Variants in COPB2 observed in about 807,000 individuals in gnomAD.
The protein encoded by COPB2 is coat protein complex I subunit beta 2, also known as coatomer subunit beta'.
A neutral mutation model predicts 120.8 loss-of-function variants in COPB2; 16 were observed. The ratio of observed to expected loss-of-function variants is 0.13; its 90% confidence interval spans 0.09 to 0.20. COPB2 has a LOEUF of 0.20. COPB2 is among the 10% of genes least tolerant of loss of function. The pLI is 1.00. For synonymous variants in COPB2, 332 were observed against 366.3 expected, an observed-to-expected ratio of 0.91 and a Z score of 1.07; for missense variants, 794 against 1,076.5, an observed-to-expected ratio of 0.74 and a Z score of 3.67.
intron 5 of COPB2, among the ~76,000 whole-genome samples, chr3:139,376,126 A>G (rs933202747): frequency 2.6e-5 from 4 of 152,346 alleles, no homozygotes; most frequent in African/African-American, 9.6e-5. Flanking sequence ...GCATGAAGGC[A>G]CACGCATGTA....
At chr3:139,361,903 TCAAA>T (rs1223047715) in intron 16 of COPB2, among the ~76,000 whole-genome samples, 3 of 152,198 alleles carry the variant, frequency 2.0e-5, no homozygotes, top group Non-Finnish European at 2.9e-5. Context: ...CTCATTTAGC[TCAAA>T]CATTTAGACC....
intron 10 of COPB2, among the ~76,000 whole-genome samples, chr3:139,370,738 G>A (rs929871817): frequency 2.6e-5 from 4 of 152,142 alleles, no homozygotes; most frequent in Admixed American, 6.5e-5. Flanking sequence ...AAGATGCTGA[G>A]CAAGGTCTTG....
At position 139,389,533 on chromosome 3, in the gene COPB2, G is replaced by T; in HGVS notation, c.3+15C>A. On this transcript the variant is annotated intron_variant, in intron 1 of 21. Transcript: ENST00000333188. The stretch of plus-strand genomic sequence containing the variant: ...CCTATGGGACCCCGCTCCCTTCTAC[G>T]GGATCTGGACCTACCATGGCTGCGT... 1 of 1,558,754 alleles carries T rather than the reference G, an allele frequency of 6.4e-7. No individual in the cohort carries two copies. Among genetic ancestry groups the T allele is most frequent in the Non-Finnish European group, 8.8e-7 (1 of 1,142,206 alleles).
At chr3:139,373,948 C>A in intron 7 of COPB2, 140 bp from the exon 8 acceptor site, 2 of 902,546 alleles carry the variant, frequency 2.2e-6, no homozygotes, top group Admixed American at 5.8e-5. Flanking sequence ...TTTTGACCTA[C>A]TGTCTTTAAA....
intron 13 of COPB2, among the ~76,000 whole-genome samples, chr3:139,367,889 A>G (rs893750434): frequency 3.3e-5 from 5 of 152,208 alleles, no homozygotes. Context: ...AAACAACTAT[A>G]ATTTCTTTAC....
At chr3:139,367,320 T>G (rs981641476) in intron 13 of COPB2, among the ~76,000 whole-genome samples, 175 bp from the exon 14 acceptor site, 54 of 150,996 alleles carry the variant, frequency 3.6e-4, no homozygotes, top group Non-Finnish European at 5.9e-5. Flanking sequence ...AGATGAAGTC[T>G]CTGTTGCCCA....
chr3:139,365,333 A>G (rs1020692116), intron 15 of COPB2, among the ~76,000 whole-genome samples: 4 of 152,230 alleles, frequency 2.6e-5, no homozygotes, highest in African/African-American at 9.6e-5. Context: ...GACTTCAACA[A>G]TAACTACAAG....
At chr3:139,373,631 C>G (rs766418420) in intron 8 of COPB2, 35 bp downstream of exon 8, 3 of 1,612,408 alleles carry the variant, frequency 1.9e-6, no homozygotes, top group Admixed American at 1.7e-5. Context: ...ATGGTTTTGC[C>G]TATGTCCACC....
At chr3:139,366,430 G>C (rs1406194358) in intron 15 of COPB2, 138 bp downstream of exon 15, 2 of 713,042 alleles carry the variant, frequency 2.8e-6, no homozygotes, top group African/African-American at 3.6e-5. Context: ...TGTAATAAGT[G>C]CCTTAAACTC....
At chr3:139,386,615 C>A (rs1941929190) in intron 1 of COPB2, among the ~76,000 whole-genome samples, 1 of 152,210 alleles carries the variant, frequency 6.6e-6, no homozygotes, top group South Asian at 2.1e-4. Flanking sequence ...CCATAAATTA[C>A]TATTACAAAT....
At chr3:139,366,133 A>T (rs1941510258) in intron 15 of COPB2, among the ~76,000 whole-genome samples, 1 of 152,176 alleles carries the variant, frequency 6.6e-6, no homozygotes, top group Admixed American at 6.5e-5. Flanking sequence ...AGGAGGGCTG[A>T]TTTTTTTCTT....
At chr3:139,358,056 A>T in intron 21 of COPB2, 98 bp from the exon 22 acceptor site, 1 of 1,025,590 alleles carries the variant, frequency 9.8e-7, no homozygotes, top group Non-Finnish European at 1.4e-6. Flanking sequence ...AGATTTTCTT[A>T]ATAGTCAAAA....
chr3:139,371,479 G>T (rs1370374796), intron 10 of COPB2, among the ~76,000 whole-genome samples: 2 of 152,128 alleles, frequency 1.3e-5, no homozygotes, highest in African/African-American at 4.8e-5. Context: ...TGGGTGCTGG[G>T]TCCCCAGTTA....
intron 1 of COPB2, chr3:139,388,129 C>A (rs1941958567): frequency 1.3e-5 from 2 of 152,106 alleles, no homozygotes; most frequent in Admixed American, 6.5e-5. Flanking sequence ...TTAGGCAGAT[C>A]CAAGAGCCTT....
intron 5 of COPB2, among the ~76,000 whole-genome samples, chr3:139,377,531 T>C (rs1941736245): frequency 6.6e-6 from 1 of 152,242 alleles, no homozygotes; most frequent in Non-Finnish European, 1.5e-5. Context: ...TGTCGCATAA[T>C]ATTAGCCCAG....
chr3:139,384,858 T>C (rs184444184), intron 1 of COPB2: 9 of 152,344 alleles, frequency 5.9e-5, no homozygotes, highest in Admixed American at 5.2e-4. Flanking sequence ...AATATCAACA[T>C]TGTGAAAGGT....
At chr3:139,368,019 A>C in intron 13 of COPB2, 126 bp downstream of exon 13, 2 of 952,056 alleles carry the variant, frequency 2.1e-6, no homozygotes, top group Non-Finnish European at 2.8e-6. Context: ...ATTTCACCAG[A>C]AATCCTTAAA....
chr3:139,382,091 A>G (rs1013260135), intron 2 of COPB2: 3 of 152,208 alleles, frequency 2.0e-5, no homozygotes, highest in Non-Finnish European at 4.4e-5. Context: ...AGCAGAAAAC[A>G]AAATGTTAAT....
chr3:139,385,995 C>T (rs1176404430), intron 1 of COPB2, among the ~76,000 whole-genome samples: 6 of 152,154 alleles, frequency 3.9e-5, no homozygotes, highest in African/African-American at 1.4e-4. Flanking sequence ...TTTAAGGTTA[C>T]TTTTGAATAT....
Sources: gnomAD v4.1 joint callset for allele counts (sites outside exome capture counted in the v4.1 genomes callset) on GRCh38, gnomAD v4.1.1 for gene constraint, MANE v1.5 for transcripts, NCBI Gene and HGNC (gene_info 2026-07-23, HGNC 2026-07-21) for gene names.